Variants in POLR1A observed in about 807,000 individuals in gnomAD.
POLR1A encodes RNA polymerase I subunit A.
A neutral mutation model predicts 205.3 loss-of-function variants in POLR1A; 84 were observed. That is an observed-to-expected ratio of 0.41 (90% CI 0.34 to 0.49). The LOEUF (loss-of-function observed/expected upper bound fraction) is 0.49, where lower values mean the gene tolerates loss of function less well. Ranked by LOEUF, POLR1A falls within the 20% of genes least tolerant of loss-of-function variation. POLR1A has a pLI of 0.22. For synonymous variants in POLR1A, 799 were observed against 863.7 expected, an observed-to-expected ratio of 0.93 and a Z score of 1.31; for missense variants, 1,645 against 2,204.5, an observed-to-expected ratio of 0.75 and a Z score of 5.08.
chr2:86,055,068 G>A (rs1463140037), intron 14 of POLR1A, among the ~76,000 whole-genome samples: 1 of 152,182 alleles, frequency 6.6e-6, no homozygotes, highest in African/African-American at 2.4e-5. Context: ...AGGCTGAGAC[G>A]GGTGGATCAT....
In POLR1A at chr2:86,073,382, C is replaced by T. The variant is rs139866613; in HGVS notation, c.1611+1648G>A. Among the ~76,000 whole-genome samples the T allele has an allele frequency of 3.3e-4, 50 of 152,194 alleles. 1 individual carries two copies. The highest frequency in any genetic ancestry group is 1.2e-3 in the African/African-American group (50 of 41,504). On this transcript the variant is annotated intron_variant, in intron 12 of 33. Coordinates refer to ENST00000263857, the MANE Select transcript of POLR1A (RefSeq NM_015425.6). ...GCAGAGCTGAGCAGCTACAGCAGAG[C>T]CTGCATGGCCCAGGACCACAGAAAT...
rs1473212783 is a variant in POLR1A at position 86,047,199 on chromosome 2, G to A, written c.2699C>T (p.Ser900Leu). 2 of 1,614,046 alleles carry A rather than the reference G, an allele frequency of 1.2e-6. No individual in the cohort carries two copies. Among genetic ancestry groups the A allele is most frequent in the Non-Finnish European group, 1.7e-6 (2 of 1,179,964 alleles). ...GTTCACAGTTGAACCTTTGGCTCCC[G>A]ACTGCACCATCATCTGCAGGCTGTT... is the stretch of plus-strand genomic sequence containing the variant. ...PENSLQMMVQ[S>L]GAKGSTVNTM... is the part of the protein sequence containing the mutation. Residue 900 changes from serine (S) to leucine (L), a missense_variant, in exon 19 of 34, where the codon TCG becomes TTG. Physicochemically the swap from Ser to Leu is moderately radical, Grantham distance 145. Transcript: ENST00000263857.
chr2:86,032,440 T>G lies in POLR1A; in HGVS notation c.4162-58A>C, dbSNP rs917424443. 6.6e-6 allele frequency: 8 copies of G among 1,209,618 alleles called. No individual in the cohort carries two copies. The African/African-American group carries it at 1.2e-4, about 18-fold the overall frequency. 74.9% of individuals were successfully genotyped at this position (1,209,618 alleles called of 1,614,324 possible). A position where few individuals can be genotyped will look rare whatever the true frequency, so the allele number is the denominator to read the frequency against. ...ACTCCAATATCTAGTGCTCAGTGAA[T>G]CCATCCATCCACCCACCAACCCATC... On this transcript the variant is annotated intron_variant, in intron 28 of 33. Coordinates refer to ENST00000263857, the MANE Select transcript of POLR1A (RefSeq NM_015425.6).
chr2:86,082,309 T>C (rs1673418787), intron 7 of POLR1A, among the ~76,000 whole-genome samples: 1 of 152,096 alleles, frequency 6.6e-6, no homozygotes, highest in African/African-American at 2.4e-5. Flanking sequence ...TCCTGGACTA[T>C]TAAAACACAG....
intron 14 of POLR1A, among the ~76,000 whole-genome samples, chr2:86,060,848 T>C (rs1672980292): frequency 6.6e-6 from 1 of 152,148 alleles, no homozygotes; most frequent in Non-Finnish European, 1.5e-5. Context: ...TTCTGATCAT[T>C]AGAAAACAGT....
intron 14 of POLR1A, among the ~76,000 whole-genome samples, chr2:86,062,651 G>GA (rs527434208): frequency 8.9e-5 from 13 of 145,984 alleles, no homozygotes; most frequent in South Asian, 8.7e-4. Flanking sequence ...AAAGAACTAG[G>GA]AAAAAAAAAA....
At position 86,039,348 on chromosome 2, in the gene POLR1A, G is replaced by T. The variant is rs1399745435; in HGVS notation, c.3855C>A (p.Leu1285=). 1.2e-6 allele frequency: 2 copies of T among 1,613,986 alleles called. No homozygotes were observed. The highest frequency in any genetic ancestry group is 1.7e-6 in the Non-Finnish European group (2 of 1,180,026). The change falls in exon 26 of 34, where the codon CTC becomes CTA. Residue 1285 remains leucine (L), a synonymous_variant. Transcript: ENST00000263857. Reference sequence around the variant, plus strand: ...TTACCTCCCCCAAGCACACCCTGGTGAGTTGCTTCTTCAGGCTTTTCACTC... The same window carrying T: ...TTACCTCCCCCAAGCACACCCTGGTTAGTTGCTTCTTCAGGCTTTTCACTC... ...LKRVKSLKKQ[L]TRVCLGEVLQ...
In POLR1A at chr2:86,026,315, C is replaced by T. The variant is rs1324686206; in HGVS notation, c.*1108G>A. 6.6e-6 allele frequency: 1 copy of T among 152,288 alleles called. No individual in the cohort carries two copies. The highest frequency in any genetic ancestry group is 2.1e-4 in the South Asian group (1 of 4,828). The allele number at this position is 152,288 out of a possible 1,614,324, so 9.4% of individuals were successfully genotyped here. A position where few individuals can be genotyped will look rare whatever the true frequency, so the allele number is the denominator to read the frequency against. Reference sequence around the variant, plus strand: ...CAAATCCAAATGCAGAAACTGCAAACCAAGGGAAAAAATTGTTGTAAAAAA... The same window carrying T: ...CAAATCCAAATGCAGAAACTGCAAATCAAGGGAAAAAATTGTTGTAAAAAA... On this transcript the variant is annotated 3_prime_UTR_variant, in exon 34 of 34. Coordinates refer to ENST00000263857, the MANE Select transcript of POLR1A (RefSeq NM_015425.6).
chr2:86,033,721 T>C lies in POLR1A; in HGVS notation c.4101A>G (p.Val1367=). The C allele has an allele frequency of 6.2e-7, 1 of 1,614,080 alleles. No individual in the cohort carries two copies. The highest frequency in any genetic ancestry group is 1.1e-5 in the South Asian group (1 of 91,080). The change falls in exon 28 of 34, where the codon GTA becomes GTG. Residue 1367 remains valine, a synonymous_variant. Transcript: ENST00000263857. ...KNNKASAFRN[V]NTRRATQRDL... is the part of the protein sequence containing the mutation. ...CCCGCTGTGTAGCTCTTCGAGTGTTTACGTTCCTGAAAGCTGATGCTTTAT... is the reference window on the plus strand; with the variant it reads ...CCCGCTGTGTAGCTCTTCGAGTGTTCACGTTCCTGAAAGCTGATGCTTTAT...
chr2:86,030,406 G>A lies in POLR1A; in HGVS notation c.4579-10C>T, dbSNP rs1441298187. ...GGAGCTTCACTGTCACCTGCAAAAG[G>A]AGGGAGAGCTGGGTAGGGTGACAGC... On this transcript the variant is annotated splice_polypyrimidine_tract_variant and intron_variant, in intron 30 of 33. Coordinates refer to ENST00000263857, the MANE Select transcript of POLR1A (RefSeq NM_015425.6). The A allele has an allele frequency of 6.2e-7, 1 of 1,604,914 alleles. No homozygotes were observed. Among genetic ancestry groups the A allele is most frequent in the Admixed American group, 1.7e-5 (1 of 60,012 alleles).
Position 86,028,188 on chromosome 2 carries a change from C to T in POLR1A, c.4898-139G>A. On this transcript the variant is annotated intron_variant, in intron 32 of 33. Coordinates refer to ENST00000263857, the MANE Select transcript of POLR1A (RefSeq NM_015425.6). The surrounding 1 kb of genome is among the most constrained non-coding windows in gnomAD (Gnocchi z 4.5). The stretch of plus-strand genomic sequence containing the variant: ...GGCTCCCCTTCAGCTCCGCCACCTG[C>T]TCACGCTACTTAACCCTTCCCCGTG... 2.6e-6 allele frequency: 2 copies of T among 770,074 alleles called. No individual in the cohort carries two copies. Among genetic ancestry groups the T allele is most frequent in the Non-Finnish European group, 4.5e-6 (2 of 447,314 alleles). The allele number at this position is 770,074 out of a possible 1,614,324, so 47.7% of individuals were successfully genotyped here. A position where few individuals can be genotyped will look rare whatever the true frequency, so the allele number is the denominator to read the frequency against.
chr2:86,053,666 C>T (rs1370147464), intron 15 of POLR1A, among the ~76,000 whole-genome samples: 3 of 152,144 alleles, frequency 2.0e-5, no homozygotes, highest in Admixed American at 6.5e-5. Context: ...TCTGTGATAA[C>T]GCGTTGTGCA....
chr2:86,070,762 T>C lies in POLR1A; in HGVS notation c.1612-490A>G, dbSNP rs147664622. Among the ~76,000 whole-genome samples, 155 of 151,338 alleles carry C rather than the reference T, an allele frequency of 1.0e-3. 1 individual carries two copies. The Middle Eastern group carries it at 0.01, about 10-fold the overall frequency. ...CAGAAATTCTACATTTCACAAAAAG[T>C]TTGCCCAGCTTCATATAGCAGAGCC... On this transcript the variant is annotated intron_variant, in intron 12 of 33. Transcript: ENST00000263857. This position sits in a 1 kb window ranked among gnomAD's most constrained non-coding sequence, Gnocchi z 4.4.
rs541911528 is a variant in POLR1A at position 86,077,489 on chromosome 2, CCT to C, written c.1380+368_1380+369del. Among the ~76,000 whole-genome samples the C allele has an allele frequency of 2.4e-4, 37 of 152,264 alleles. No homozygotes were observed. The East Asian group carries it at 6.2e-3, about 25-fold the overall frequency. ...TATGCCCCATGCCCTCTTCCTCTCCCCTGTCATGTATTCAATTTGGTGAGGAA... is the reference window on the plus strand; with the variant it reads ...TATGCCCCATGCCCTCTTCCTCTCCCGTCATGTATTCAATTTGGTGAGGAA... On this transcript the variant is annotated intron_variant, in intron 11 of 33. Transcript: ENST00000263857.
chr2:86,039,063 C>T, intron 26 of POLR1A: 1 of 644,930 alleles, frequency 1.6e-6, no homozygotes. Context: ...GCCTGAACCT[C>T]CTAGGAGTGG....
rs79857088 is a variant in POLR1A, at chr2:86,094,420, T to C, written c.432+4191A>G. ...CACAGGCTTTTGTGCCCTTTGGACA[T>C]GTCCAATCGTTCTTTGAGCACATAC... is the stretch of plus-strand genomic sequence containing the variant. On this transcript the variant is annotated intron_variant, in intron 3 of 33. Coordinates refer to ENST00000263857, the MANE Select transcript of POLR1A (RefSeq NM_015425.6). Among the ~76,000 whole-genome samples the C allele has an allele frequency of 2.5e-4, 38 of 152,318 alleles. 1 individual carries two copies. The highest frequency in any genetic ancestry group is 9.1e-4 in the African/African-American group (38 of 41,572).
chr2:86,041,255 G>A (rs951761050), intron 24 of POLR1A, among the ~76,000 whole-genome samples: 2 of 149,496 alleles, frequency 1.3e-5, no homozygotes, highest in Admixed American at 6.7e-5. Context: ...CTGTGTGTGT[G>A]TGTGTGTGTG....
At chr2:86,043,601 C>G (rs761887327) in intron 22 of POLR1A, among the ~76,000 whole-genome samples, 45 of 152,256 alleles carry the variant, frequency 3.0e-4, no homozygotes, top group Non-Finnish European at 5.1e-4. Flanking sequence ...TGACCTTAGA[C>G]AGGTCACATC....
At chr2:86,067,762 A>G (rs932776100) in intron 13 of POLR1A, among the ~76,000 whole-genome samples, 4 of 152,234 alleles carry the variant, frequency 2.6e-5, no homozygotes, top group East Asian at 1.9e-4. Flanking sequence ...GACTCTGCCA[A>G]TAAAGACATG....
Sources: allele counts gnomAD v4.1 joint callset (sites outside exome capture counted in the v4.1 genomes callset), GRCh38; gene constraint gnomAD v4.1.1; non-coding constraint Gnocchi (gnomAD v3.1); transcripts MANE v1.5; gene names NCBI Gene and HGNC (gene_info 2026-07-23, HGNC 2026-07-21).